Variants in TBXAS1 observed in about 807,000 individuals in gnomAD.
The protein encoded by TBXAS1 is thromboxane A synthase 1, also known as thromboxane-A synthase.
Under a neutral mutation model 60.7 loss-of-function variants are expected in TBXAS1, and 48 were observed. The ratio of observed to expected loss-of-function variants is 0.79; its 90% CI spans 0.63 to 1.01. TBXAS1 has a LOEUF of 1.01. Ranked by LOEUF, TBXAS1 falls within the 50% of genes least tolerant of loss-of-function variation. The pLI is 0.00. For missense variants in TBXAS1, 685 were observed against 686.3 expected (o/e 1.00, Z 0.02); for synonymous variants, 287 against 269.7 (o/e 1.06, Z -0.63).
rs1813921375 is a variant in TBXAS1 at position 140,004,665 on chromosome 7, A to AC, written c.1135-2424dup. Among the ~76,000 whole-genome samples the AC allele has an allele frequency of 6.6e-6, 1 of 152,186 alleles. No homozygotes were observed. The highest frequency in any genetic ancestry group is 1.5e-5 in the Non-Finnish European group (1 of 68,032). ...CAGGCATCCAAGGGCCCTGTCAGCC[A>AC]CCAGACACATGCACTGAGACCCAGC... On this transcript the variant is annotated intron_variant, in intron 9 of 12. Coordinates refer to ENST00000448866, the MANE Select transcript of TBXAS1 (RefSeq NM_001061.7). This position sits in a 1 kb window ranked among gnomAD's most constrained non-coding sequence, Gnocchi z 5.1.
intron 3 of TBXAS1, among the ~76,000 whole-genome samples, chr7:139,784,045 CT>C (rs1410630081): frequency 2.1e-5 from 3 of 145,468 alleles, no homozygotes; most frequent in Non-Finnish European, 4.5e-5. Flanking sequence ...CCCAAAATTC[CT>C]AGTCCTTCCT....
At position 139,813,249 on chromosome 7, in the gene TBXAS1, G is replaced by A. The variant is rs922533067; in HGVS notation, c.-79-16063G>A. Among the ~76,000 whole-genome samples, 6 of 152,244 alleles carry A rather than the reference G, an allele frequency of 3.9e-5. No individual in the cohort carries two copies. The East Asian group carries it at 7.7e-4, about 20-fold the overall frequency. ...ATTTTGGGGAAGCCCTGGACCTTTC[G>A]TATTCGGCCTTTCAGAGACCTTCCA... On this transcript the variant is annotated intron_variant, in intron 4 of 16. Transcript: ENST00000336425.
intron 4 of TBXAS1, among the ~76,000 whole-genome samples, chr7:139,792,865 G>C (rs1797431153): frequency 1.3e-5 from 2 of 152,114 alleles, no homozygotes; most frequent in South Asian, 4.1e-4. Flanking sequence ...TTGAGGCCCA[G>C]GTAAGAGAAC....
chr7:139,958,597 G>C (rs767353616), intron 8 of TBXAS1, among the ~76,000 whole-genome samples: 1 of 152,238 alleles, frequency 6.6e-6, no homozygotes, highest in Admixed American at 6.5e-5. Flanking sequence ...ATGGCTCAGA[G>C]GAATTGGTGA....
At chr7:139,997,112 G>C (rs1359106594) in intron 9 of TBXAS1, among the ~76,000 whole-genome samples, 1 of 152,132 alleles carries the variant, frequency 6.6e-6, no homozygotes, top group African/African-American at 2.4e-5. Flanking sequence ...CAAATAAATG[G>C]TTTCCCAAAT....
intron 9 of TBXAS1, among the ~76,000 whole-genome samples, chr7:139,988,028 A>G (rs1033877949): frequency 6.6e-6 from 1 of 152,228 alleles, no homozygotes; most frequent in Non-Finnish European, 1.5e-5. Flanking sequence ...ACAGCATCCT[A>G]TGGACTGGGC....
intron 4 of TBXAS1, among the ~76,000 whole-genome samples, chr7:139,790,336 A>G (rs995682616): frequency 7.2e-5 from 11 of 152,262 alleles, no homozygotes; most frequent in Admixed American, 4.6e-4. Context: ...TAAATGCATT[A>G]TATGATTTTT....
intron 5 of TBXAS1, among the ~76,000 whole-genome samples, chr7:139,946,435 G>A (rs1808720974): frequency 1.3e-5 from 2 of 152,200 alleles, no homozygotes. Flanking sequence ...CTACAAAGAT[G>A]CTTAGGCTAT....
At position 139,875,613 on chromosome 7, in the gene TBXAS1, G is replaced by A; in HGVS notation, c.212G>A (p.Arg71Lys). The A allele has an allele frequency of 3.7e-6, 6 of 1,614,218 alleles. No individual in the cohort carries two copies. Among genetic ancestry groups the A allele is most frequent in the Non-Finnish European group, 5.1e-6 (6 of 1,180,040 alleles). The change falls in exon 3 of 13, where the codon AGA (arginine) becomes AAA (lysine). Residue 71 changes from arginine (R) to lysine (K), a missense_variant. Arg to Lys is a conservative substitution (Grantham distance 26). Transcript: ENST00000448866. ...TTTTGGGAAAGCCAAATGGAGCTCA[G>A]AAAGCTGTATGGACCTCTGTGTGGG... ...QGFWESQMEL[R>K]KLYGPLCGYY...
chr7:139,810,093 G>C (rs944645181), intron 4 of TBXAS1, among the ~76,000 whole-genome samples: 1 of 151,778 alleles, frequency 6.6e-6, no homozygotes, highest in African/African-American at 2.4e-5. Context: ...CTGGAGTACA[G>C]TGGTGTGATC....
chr7:139,896,444 C>T lies in TBXAS1; in HGVS notation c.237-14781C>T, dbSNP rs1268687099. Among the ~76,000 whole-genome samples, 5 of 152,114 alleles carry T rather than the reference C, an allele frequency of 3.3e-5. No individual in the cohort carries two copies. Among genetic ancestry groups the T allele is most frequent in the Admixed American group, 2.6e-4 (4 of 15,282 alleles). On this transcript the variant is annotated intron_variant, in intron 3 of 12. Transcript: ENST00000448866. The surrounding 1 kb of genome is among the most constrained non-coding windows in gnomAD (Gnocchi z 4.0). ...GGAACCATAAATAACTTTTTCACAG[C>T]AAGAATGAAAGGCTGTGGTTCCCAA...
chr7:139,818,985 G>C (rs1434693075), intron 4 of TBXAS1, among the ~76,000 whole-genome samples: 1 of 152,208 alleles, frequency 6.6e-6, no homozygotes, highest in Non-Finnish European at 1.5e-5. Context: ...CTGGGCCTTG[G>C]CTTTTTAGCA....
intron 9 of TBXAS1, among the ~76,000 whole-genome samples, chr7:139,977,514 C>G (rs540236929): frequency 1.2e-4 from 18 of 152,194 alleles, no homozygotes; most frequent in African/African-American, 4.3e-4. Flanking sequence ...AGGACACAGC[C>G]AAACCATATC....
At chr7:139,984,646 GA>G (rs1569522280) in intron 9 of TBXAS1, among the ~76,000 whole-genome samples, 1 of 131,838 alleles carries the variant, frequency 7.6e-6, no homozygotes, top group African/African-American at 2.9e-5. Context: ...GAGAGAGAAA[GA>G]AAGAAAGGGA....
intron 4 of TBXAS1, among the ~76,000 whole-genome samples, chr7:139,822,362 C>G (rs575701055): frequency 6.6e-6 from 1 of 152,118 alleles, no homozygotes; most frequent in Non-Finnish European, 1.5e-5. Flanking sequence ...TTGGTTCCCC[C>G]ACCCTCAACT....
chr7:139,786,791 A>G (rs896340857), intron 3 of TBXAS1, among the ~76,000 whole-genome samples: 2 of 152,114 alleles, frequency 1.3e-5, no homozygotes, highest in African/African-American at 2.4e-5. Context: ...AAACTTGGAG[A>G]CTTCTGAGAA....
rs567799858 is a variant in TBXAS1 at position 139,896,280 on chromosome 7, G to A, written c.237-14945G>A. Among the ~76,000 whole-genome samples, 4 of 152,256 alleles carry A rather than the reference G, an allele frequency of 2.6e-5. No individual in the cohort carries two copies. The highest frequency in any genetic ancestry group is 2.1e-4 in the South Asian group (1 of 4,824). On this transcript the variant is annotated intron_variant, in intron 3 of 12. Transcript: ENST00000448866. The surrounding 1 kb of genome is among the most constrained non-coding windows in gnomAD (Gnocchi z 4.0). ...AGGTGCCACAGAAACTACAAGGAGC[G>A]AAGGGTCCATGAAGCCTTCACAAAG... is the stretch of plus-strand genomic sequence containing the variant.
intron 1 of TBXAS1, among the ~76,000 whole-genome samples, chr7:139,848,985 T>A (rs1038284746): frequency 6.6e-6 from 1 of 151,612 alleles, no homozygotes; most frequent in Non-Finnish European, 1.5e-5. Flanking sequence ...AATAAAACCA[T>A]AACAAAAAAA....
chr7:140,015,314 G>A (rs560743348), intron 10 of TBXAS1, among the ~76,000 whole-genome samples: 3 of 152,224 alleles, frequency 2.0e-5, no homozygotes, highest in African/African-American at 7.2e-5. Context: ...AAGAGGCTTG[G>A]CTGTGAATGG....
Sources: allele counts gnomAD v4.1 joint callset (sites outside exome capture counted in the v4.1 genomes callset), GRCh38; gene constraint gnomAD v4.1.1; non-coding constraint Gnocchi (gnomAD v3.1); transcripts MANE v1.5; gene names NCBI Gene and HGNC (gene_info 2026-07-23, HGNC 2026-07-21).